The following AGBL4 variants were observed in gnomAD, a reference collection of about 807,000 sequenced individuals.
AGBL4 encodes cytosolic carboxypeptidase 6.
In AGBL4, 58 loss-of-function variants were observed where a neutral mutation model predicts 66.4. The observed-to-expected ratio is 0.87, with a 90% CI of 0.71 to 1.09. AGBL4 has a LOEUF of 1.09. Among genes scored for constraint, AGBL4 ranks in the 50% least tolerant of loss-of-function variants. AGBL4 has a pLI of 0.00. For synonymous variants in AGBL4, 234 were observed against 222.9 expected, an observed-to-expected ratio of 1.05 and a Z score of -0.44; for missense variants, 579 against 631.0, an observed-to-expected ratio of 0.92 and a Z score of 0.88.
intron 5 of AGBL4, chr1:49,025,625 G>A (rs1440352614): frequency 6.6e-6 from 1 of 152,134 alleles, no homozygotes; most frequent in Non-Finnish European, 1.5e-5. Flanking sequence ...AAGTGAAAAT[G>A]TGGCTTCAGA....
intron 4 of AGBL4, among the ~76,000 whole-genome samples, chr1:49,125,856 G>A (rs2148055604): frequency 6.6e-6 from 1 of 152,212 alleles, no homozygotes; most frequent in African/African-American, 2.4e-5. Flanking sequence ...AATCAACGGG[G>A]TTCTTACTCT....
chr1:49,085,273 CA>C (rs1644885235), intron 4 of AGBL4, among the ~76,000 whole-genome samples: 1 of 151,126 alleles, frequency 6.6e-6, no homozygotes, highest in Non-Finnish European at 1.5e-5. Context: ...TCATCATCAT[CA>C]TCATCATCAT....
chr1:49,643,140 G>A (rs1359743279), intron 3 of AGBL4, among the ~76,000 whole-genome samples: 9 of 151,886 alleles, frequency 5.9e-5, no homozygotes, highest in Non-Finnish European at 1.2e-4. Context: ...AAATCAGATG[G>A]CTAGAGATAA....
intron 2 of AGBL4, among the ~76,000 whole-genome samples, chr1:49,744,838 C>T (rs915488232): frequency 2.6e-5 from 4 of 152,032 alleles, no homozygotes; most frequent in Admixed American, 2.0e-4. Flanking sequence ...ACTGTTAAAA[C>T]TTAAGTTGCT....
intron 9 of AGBL4, among the ~76,000 whole-genome samples, chr1:48,607,615 TC>T (rs1645172711): frequency 6.6e-6 from 1 of 151,522 alleles, no homozygotes; most frequent in Non-Finnish European, 1.5e-5. Flanking sequence ...CAAGACTCCA[TC>T]CCCCCACCCC....
chr1:49,044,902 A>G (rs1644040155), intron 5 of AGBL4, among the ~76,000 whole-genome samples: 2 of 152,144 alleles, frequency 1.3e-5, no homozygotes, highest in Non-Finnish European at 2.9e-5. Context: ...ACTTTAACCT[A>G]GTGAGACTCA....
chr1:48,659,847 T>C (rs1284152591), intron 7 of AGBL4, among the ~76,000 whole-genome samples: 1 of 152,252 alleles, frequency 6.6e-6, no homozygotes, highest in African/African-American at 2.4e-5. Context: ...TATTTAGTAT[T>C]TTCTCTATTC....
chr1:49,098,428 G>C lies in AGBL4; in HGVS notation c.378-52628C>G, dbSNP rs185931307. ...CAGAGCCTGATCTGGTTTAGGACAG[G>C]GCTGGAACAGCCTGAGATATGAGAA... On this transcript the variant is annotated intron_variant, in intron 4 of 13. Transcript: ENST00000371839. Among the ~76,000 whole-genome samples the C allele has an allele frequency of 4.6e-3, 698 of 152,286 alleles. 5 individuals carry two copies. Among genetic ancestry groups the C allele is most frequent in the Admixed American group, 0.011 (169 of 15,296 alleles).
At chr1:49,848,569 G>A (rs1421802891) in intron 2 of AGBL4, among the ~76,000 whole-genome samples, 4 of 152,146 alleles carry the variant, frequency 2.6e-5, no homozygotes, top group Admixed American at 2.0e-4. Context: ...AAAGCAGAAA[G>A]TCAATACACA....
At chr1:48,793,424 T>G (rs1645597746) in intron 6 of AGBL4, among the ~76,000 whole-genome samples, 2 of 152,154 alleles carry the variant, frequency 1.3e-5, no homozygotes, top group South Asian at 4.1e-4. Flanking sequence ...AGATGGTATA[T>G]CCTAAGGTTT....
intron 9 of AGBL4, among the ~76,000 whole-genome samples, chr1:48,625,352 C>A (rs904664378): frequency 2.0e-5 from 3 of 151,052 alleles, no homozygotes; most frequent in Admixed American, 2.0e-4. Context: ...TTCTTTCCTG[C>A]CTGCCTTTTC....
chr1:49,085,495 T>A (rs1644889649), intron 4 of AGBL4, among the ~76,000 whole-genome samples: 1 of 151,942 alleles, frequency 6.6e-6, no homozygotes, highest in African/African-American at 2.4e-5. Context: ...TATAAAAATA[T>A]CTATCTAGGA....
At chr1:49,040,072 T>C (rs891206145) in intron 5 of AGBL4, among the ~76,000 whole-genome samples, 3 of 151,980 alleles carry the variant, frequency 2.0e-5, no homozygotes, top group Non-Finnish European at 2.9e-5. Context: ...AGGAAAATAT[T>C]TGCAAAACAT....
intron 1 of AGBL4, among the ~76,000 whole-genome samples, chr1:50,021,270 A>G (rs1196873734): frequency 6.6e-6 from 1 of 152,102 alleles, no homozygotes; most frequent in Non-Finnish European, 1.5e-5. Flanking sequence ...CAGCTACTCA[A>G]CACTTCATCC....
At chr1:49,195,240 T>C (rs1377470130) in intron 4 of AGBL4, among the ~76,000 whole-genome samples, 1 of 152,230 alleles carries the variant, frequency 6.6e-6, no homozygotes, top group Non-Finnish European at 1.5e-5. Context: ...AATTGTTTTA[T>C]AAGACCTTTC....
chr1:48,902,608 C>T (rs1417323107), intron 5 of AGBL4, among the ~76,000 whole-genome samples: 4 of 152,254 alleles, frequency 2.6e-5, no homozygotes, highest in African/African-American at 7.2e-5. Context: ...GAAATTTATT[C>T]AGTATTCAAG....
chr1:49,239,288 TACA>T (rs1157214195), intron 4 of AGBL4, among the ~76,000 whole-genome samples: 1 of 152,192 alleles, frequency 6.6e-6, no homozygotes, highest in Admixed American at 6.5e-5. Context: ...TTTAAATTGG[TACA>T]ACATTTTTGG....
intron 11 of AGBL4, among the ~76,000 whole-genome samples, chr1:48,565,502 A>G (rs958555060): frequency 3.9e-5 from 6 of 152,118 alleles, no homozygotes; most frequent in Admixed American, 3.3e-4. Context: ...TCTTCAAAAC[A>G]TGATCTTTGG....
At chr1:49,907,147 T>G (rs1017353009) in intron 1 of AGBL4, among the ~76,000 whole-genome samples, 9 of 152,104 alleles carry the variant, frequency 5.9e-5, no homozygotes, top group Admixed American at 5.9e-4. Context: ...AAACAAGCAC[T>G]TGATCAAATA....
Sources: allele counts gnomAD v4.1 joint callset (sites outside exome capture counted in the v4.1 genomes callset), GRCh38; gene constraint gnomAD v4.1.1; transcripts MANE v1.5; gene names NCBI Gene and HGNC (gene_info 2026-07-23, HGNC 2026-07-21).